The following DMD variants were observed in gnomAD, a reference collection of about 807,000 sequenced individuals.
The protein encoded by DMD is dystrophin.
DMD carries 63 observed loss-of-function variants against 330.1 expected under a neutral mutation model. That is an observed-to-expected ratio of 0.19 (90% CI 0.16 to 0.24). The LOEUF (loss-of-function observed/expected upper bound fraction) is 0.24, where lower values mean the gene tolerates loss of function less well. DMD is among the 10% of genes least tolerant of loss of function. DMD has a pLI of 1.00. For synonymous variants in DMD, 1,223 were observed against 959.8 expected (o/e 1.27, Z -5.07); for missense variants, 3,344 against 2,684.1 (o/e 1.25, Z -5.43).
intron 41 of DMD, among the ~76,000 whole-genome samples, chrX:32,335,748 T>C (rs2097706953): frequency 1.0e-5 from 1 of 99,383 alleles, no homozygotes; most frequent in Non-Finnish European, 2.1e-5. Context: ...CATGTGTATA[T>C]AGGCATAACA....
chrX:31,569,652 A>ACG lies in DMD; in HGVS notation c.8217+58020_8217+58021insCG, dbSNP rs1569551989. Among the ~76,000 whole-genome samples, 303 of 93,146 alleles carry ACG rather than the reference A, an allele frequency of 3.3e-3. 1 individual carries two copies. The highest frequency in any genetic ancestry group is 5.7e-3 in the Middle Eastern group (1 of 174). 80.9% of individuals were successfully genotyped at this position (93,146 alleles called of 115,157 possible). On this transcript the variant is annotated intron_variant, in intron 55 of 78. Transcript: ENST00000357033. ...TATACGTATATATATGTATATACGT[A>ACG]TATATACGTATATATACGTATATAT...
intron 2 of DMD, among the ~76,000 whole-genome samples, chrX:32,914,148 C>T (rs570846405): frequency 3.6e-5 from 4 of 111,685 alleles, no homozygotes; most frequent in Non-Finnish European, 5.6e-5. Flanking sequence ...GTCCCCCCAT[C>T]AAGCATCATT....
chrX:32,876,910 T>C (rs2083428147), intron 2 of DMD, among the ~76,000 whole-genome samples: 1 of 112,240 alleles, frequency 8.9e-6, no homozygotes, highest in Non-Finnish European at 1.9e-5. Flanking sequence ...TTGTAGCCTC[T>C]AGGTACATTT....
intron 43 of DMD, among the ~76,000 whole-genome samples, chrX:32,269,609 C>A (rs1251485679): frequency 9.0e-6 from 1 of 111,342 alleles, no homozygotes; most frequent in East Asian, 2.8e-4. Flanking sequence ...TATATACCGA[C>A]TATATAGTAA....
chrX:33,138,414 G>A (rs2047626310), intron 1 of DMD, among the ~76,000 whole-genome samples: 1 of 111,794 alleles, frequency 8.9e-6, no homozygotes, highest in South Asian at 3.7e-4. Flanking sequence ...CACAGTAACA[G>A]CATTCTCCTA....
chrX:31,952,827 T>C (rs1302078203), intron 45 of DMD, among the ~76,000 whole-genome samples: 1 of 112,217 alleles, frequency 8.9e-6, no homozygotes, highest in Admixed American at 9.5e-5. Flanking sequence ...CAAATTCTGA[T>C]GTTCCTTCTT....
At chrX:32,825,048 A>C (rs1370775817) in intron 4 of DMD, among the ~76,000 whole-genome samples, 12 of 111,928 alleles carry the variant, frequency 1.1e-4, no homozygotes, top group Non-Finnish European at 1.7e-4. Flanking sequence ...TCTGCCAGGC[A>C]ATGAAGTAAT....
At chrX:31,684,385 G>C (rs1230012767) in intron 52 of DMD, among the ~76,000 whole-genome samples, 1 of 111,661 alleles carries the variant, frequency 9.0e-6, no homozygotes, top group African/African-American at 3.3e-5. Flanking sequence ...GAGAAGGTGC[G>C]TGTATTGAAC....
intron 43 of DMD, 95 bp downstream of exon 43, chrX:32,287,434 G>T: frequency 2.3e-6 from 2 of 862,348 alleles, no homozygotes; most frequent in Non-Finnish European, 3.4e-6. Context: ...CTTTTTCCCT[G>T]TCTTTTTTCC....
rs748754310 is a variant in DMD at position 32,455,955 on chromosome X, A to G, written c.3433-1123T>C. Among the ~76,000 whole-genome samples the G allele has an allele frequency of 3.6e-5, 4 of 111,354 alleles. No individual in the cohort carries two copies. In the East Asian group the frequency reaches 1.1e-3, roughly 31 times the overall value. On this transcript the variant is annotated intron_variant, in intron 25 of 78. Coordinates refer to ENST00000357033, the MANE Select transcript of DMD (RefSeq NM_004006.3). The stretch of plus-strand genomic sequence containing the variant: ...AACTTAAAACATCTAAAAGAAAATC[A>G]TACACCTTGTTACAAGGCACTCTAT...
intron 44 of DMD, among the ~76,000 whole-genome samples, chrX:32,066,793 C>T (rs1289218576): frequency 1.8e-5 from 2 of 111,398 alleles, no homozygotes; most frequent in South Asian, 7.4e-4. Flanking sequence ...CAAACTAATG[C>T]TAACATTTTT....
At chrX:32,735,829 G>A (rs750454007) in intron 7 of DMD, among the ~76,000 whole-genome samples, 2 of 111,571 alleles carry the variant, frequency 1.8e-5, no homozygotes, top group Non-Finnish European at 3.8e-5. Flanking sequence ...GAAAACCTAG[G>A]CATTACCATT....
At chrX:31,591,882 G>A (rs1285665845) in intron 55 of DMD, among the ~76,000 whole-genome samples, 2 of 110,515 alleles carry the variant, frequency 1.8e-5, no homozygotes, top group Non-Finnish European at 3.8e-5. Context: ...CAGGACTAAC[G>A]GCAAGTTCTA....
intron 54 of DMD, among the ~76,000 whole-genome samples, chrX:31,641,911 T>G (rs776268810): frequency 5.4e-5 from 6 of 111,234 alleles, no homozygotes; most frequent in African/African-American, 1.6e-4. Flanking sequence ...TGTGCATAAT[T>G]GAAGAAAAAG....
intron 12 of DMD, among the ~76,000 whole-genome samples, chrX:32,600,625 A>ACACAG (rs1375791852): frequency 1.0e-5 from 1 of 95,593 alleles, no homozygotes; most frequent in East Asian, 3.3e-4. Context: ...CACACACACA[A>ACACAG]AACACACCCC....
At chrX:31,122,819 A>T (rs906133732) in intron 78 of DMD, among the ~76,000 whole-genome samples, 1 of 111,932 alleles carries the variant, frequency 8.9e-6, no homozygotes, top group Non-Finnish European at 1.9e-5. Flanking sequence ...GAAAAAGAAC[A>T]GCACAATGTC....
At chrX:31,865,070 T>C (rs1183109825) in intron 48 of DMD, among the ~76,000 whole-genome samples, 1 of 112,368 alleles carries the variant, frequency 8.9e-6, no homozygotes, top group Admixed American at 9.4e-5. Context: ...ATTATTCTAC[T>C]TCAACTCAGC....
intron 48 of DMD, among the ~76,000 whole-genome samples, chrX:31,863,554 C>T (rs777558574): frequency 3.6e-5 from 4 of 111,764 alleles, no homozygotes; most frequent in Non-Finnish European, 7.5e-5. Flanking sequence ...GACTGAAATC[C>T]TTCTTTACTC....
chrX:32,685,257 G>T (rs771344176), intron 9 of DMD, among the ~76,000 whole-genome samples: 1 of 110,722 alleles, frequency 9.0e-6, no homozygotes, highest in South Asian at 3.8e-4. Flanking sequence ...AGAATCCACG[G>T]GCTAATCTTA....
Sources: allele counts gnomAD v4.1 joint callset (sites outside exome capture counted in the v4.1 genomes callset), GRCh38; gene constraint gnomAD v4.1.1; transcripts MANE v1.5; gene names NCBI Gene and HGNC (gene_info 2026-07-23, HGNC 2026-07-21).